The following RAB3C variants were observed in gnomAD, a reference collection of about 807,000 sequenced individuals.
RAB3C encodes RAB3C, member RAS oncogene family, also known as ras-related protein Rab-3C.
RAB3C carries 17 observed loss-of-function variants against 26.4 expected under a neutral mutation model. The ratio of observed to expected loss-of-function variants is 0.64; its 90% CI spans 0.44 to 0.97. The LOEUF (loss-of-function observed/expected upper bound fraction) is 0.97. Ranked by LOEUF, RAB3C falls within the 50% of genes least tolerant of loss-of-function variation. The pLI is 0.00. For synonymous variants in RAB3C, 91 were observed against 95.9 expected, an observed-to-expected ratio of 0.95 and a Z score of 0.30; for missense variants, 242 against 281.9, an observed-to-expected ratio of 0.86 and a Z score of 1.01.
At chr5:58,675,621 T>G (rs1748209230) in intron 2 of RAB3C, among the ~76,000 whole-genome samples, 1 of 150,770 alleles carries the variant, frequency 6.6e-6, no homozygotes. Context: ...TTGTCTTTTT[T>G]TTTTTTTTTT....
intron 3 of RAB3C, among the ~76,000 whole-genome samples, chr5:58,739,359 A>G (rs920382527): frequency 1.3e-5 from 2 of 152,174 alleles, no homozygotes; most frequent in African/African-American, 2.4e-5. Flanking sequence ...TGTATTTTCA[A>G]GTCTTTGATA....
chr5:58,803,145 T>A (rs2548248), intron 3 of RAB3C, among the ~76,000 whole-genome samples: 2 of 152,008 alleles, frequency 1.3e-5, no homozygotes, highest in Non-Finnish European at 2.9e-5. Flanking sequence ...CTAAGAAGAA[T>A]AAAACTAGTT....
chr5:58,644,001 A>C (rs941800966), intron 2 of RAB3C, among the ~76,000 whole-genome samples: 1 of 151,888 alleles, frequency 6.6e-6, no homozygotes, highest in African/African-American at 2.4e-5. Context: ...TCGTACTTTT[A>C]GTAGAGTCAG....
chr5:58,836,344 A>G (rs569872793), intron 4 of RAB3C, among the ~76,000 whole-genome samples: 1 of 152,286 alleles, frequency 6.6e-6, no homozygotes, highest in Admixed American at 6.5e-5. Context: ...TTGTGGTCAG[A>G]TCAGGGTAAT....
intron 2 of RAB3C, among the ~76,000 whole-genome samples, chr5:58,651,510 TC>T (rs1468210345): frequency 6.6e-6 from 1 of 152,226 alleles, no homozygotes; most frequent in Non-Finnish European, 1.5e-5. Context: ...TTATGTATGT[TC>T]TTTTGTTTGC....
intron 3 of RAB3C, among the ~76,000 whole-genome samples, chr5:58,763,518 G>C (rs1280177344): frequency 1.3e-5 from 2 of 152,206 alleles, no homozygotes; most frequent in African/African-American, 2.4e-5. Context: ...CACTGAGTGA[G>C]TAGATCTGGT....
intron 3 of RAB3C, chr5:58,741,834 G>C (rs1048751457): frequency 6.6e-6 from 1 of 151,846 alleles, no homozygotes; most frequent in East Asian, 2.0e-4. Context: ...GAGAAACCCC[G>C]TCTCTACTAA....
At chr5:58,702,089 T>G (rs1579867475) in intron 2 of RAB3C, among the ~76,000 whole-genome samples, 1 of 152,232 alleles carries the variant, frequency 6.6e-6, no homozygotes, top group African/African-American at 2.4e-5. Context: ...TTCAAATTTT[T>G]CTGATCTCAA....
intron 2 of RAB3C, among the ~76,000 whole-genome samples, chr5:58,680,024 T>C (rs920675151): frequency 6.6e-6 from 1 of 152,208 alleles, no homozygotes; most frequent in African/African-American, 2.4e-5. Flanking sequence ...TTTTAAATGA[T>C]TGGGGGCCAA....
At chr5:58,761,289 G>T (rs1369940901) in intron 3 of RAB3C, among the ~76,000 whole-genome samples, 1 of 152,146 alleles carries the variant, frequency 6.6e-6, no homozygotes, top group African/African-American at 2.4e-5. Context: ...AATTCCCTGA[G>T]AAAGCTAAAT....
chr5:58,694,539 C>G (rs1177705653), intron 2 of RAB3C, among the ~76,000 whole-genome samples: 2 of 152,184 alleles, frequency 1.3e-5, no homozygotes, highest in African/African-American at 2.4e-5. Flanking sequence ...AACTAATTTA[C>G]ACTCCCAGCA....
intron 4 of RAB3C, among the ~76,000 whole-genome samples, chr5:58,830,944 T>C (rs1220101089): frequency 6.6e-6 from 1 of 152,058 alleles, no homozygotes; most frequent in Non-Finnish European, 1.5e-5. Context: ...AGCATGATCA[T>C]AGCTCACTGC....
At chr5:58,820,225 G>T (rs1743309050) in intron 3 of RAB3C, among the ~76,000 whole-genome samples, 1 of 149,088 alleles carries the variant, frequency 6.7e-6, no homozygotes, top group African/African-American at 2.5e-5. Context: ...AAAAAAAAAA[G>T]CTAAATCTTT....
chr5:58,685,902 C>A (rs1748436085), intron 2 of RAB3C, among the ~76,000 whole-genome samples: 1 of 152,068 alleles, frequency 6.6e-6, no homozygotes, highest in Non-Finnish European at 1.5e-5. Flanking sequence ...TTCAATATGG[C>A]AGTAGCATAG....
intron 4 of RAB3C, among the ~76,000 whole-genome samples, chr5:58,828,226 G>T (rs1743534161): frequency 6.6e-6 from 1 of 152,198 alleles, no homozygotes. Flanking sequence ...CCTTCTAGGA[G>T]CAAACATTGT....
chr5:58,807,112 G>A (rs1185218276), intron 3 of RAB3C, among the ~76,000 whole-genome samples: 1 of 152,120 alleles, frequency 6.6e-6, no homozygotes, highest in Admixed American at 6.5e-5. Flanking sequence ...AACAAGAAAG[G>A]GTTGCTTTAA....
At chr5:58,612,228 T>A (rs1746719029) in intron 1 of RAB3C, among the ~76,000 whole-genome samples, 1 of 152,048 alleles carries the variant, frequency 6.6e-6, no homozygotes, top group Non-Finnish European at 1.5e-5. Context: ...CTTTTTTGGT[T>A]CAATATGAAT....
At chr5:58,596,930 T>C (rs1371500360) in intron 1 of RAB3C, among the ~76,000 whole-genome samples, 2 of 95,486 alleles carry the variant, frequency 2.1e-5, no homozygotes, top group Admixed American at 1.9e-4. Flanking sequence ...TAATATATTA[T>C]ATATAAATAT....
At chr5:58,663,514 A>G (rs1747945457) in intron 2 of RAB3C, among the ~76,000 whole-genome samples, 1 of 150,362 alleles carries the variant, frequency 6.7e-6, no homozygotes, top group Non-Finnish European at 1.5e-5. Flanking sequence ...TTAAAATATT[A>G]AAATGTAACT....
Sources: gnomAD v4.1 joint callset for allele counts (sites outside exome capture counted in the v4.1 genomes callset) on GRCh38, gnomAD v4.1.1 for gene constraint, MANE v1.5 for transcripts, NCBI Gene and HGNC (gene_info 2026-07-23, HGNC 2026-07-21) for gene names.